SLC50A1: variants seen among roughly 807,000 people sequenced by gnomAD.
SLC50A1 encodes the protein solute carrier family 50 member 1.
Under a neutral mutation model 28.9 loss-of-function variants are expected in SLC50A1, and 22 were observed. That is an observed-to-expected ratio of 0.76 (90% confidence interval 0.54 to 1.09). The LOEUF is 1.09. Among genes scored for constraint, SLC50A1 ranks in the 50% least tolerant of loss-of-function variants. The probability of loss-of-function intolerance (pLI) is 0.00; values close to 1 mark genes in which losing one functional copy is unlikely to be tolerated. For missense variants in SLC50A1, 233 were observed against 273.4 expected (o/e 0.85, Z 1.04); for synonymous variants, 96 against 110.6 (o/e 0.87, Z 0.83).
Position 155,136,203 on chromosome 1 carries a change from G to T in SLC50A1, c.81-96G>T. 4.0e-6 allele frequency: 4 copies of T among 1,000,026 alleles called. No individual in the cohort carries two copies. In the South Asian group the frequency reaches 5.6e-5, roughly 14 times the overall value. 61.9% of individuals were successfully genotyped at this position (1,000,026 alleles called of 1,614,324 possible). A position where few individuals can be genotyped will look rare whatever the true frequency, so the allele number is the denominator to read the frequency against. The stretch of plus-strand genomic sequence containing the variant: ...GGGGGGGAGAGGGGGCGGGGTCTGC[G>T]GTGGTCCGGAAAGGATGACAGGCAT... On this transcript the variant is annotated intron_variant, in intron 1 of 5. Coordinates refer to ENST00000368404, the MANE Select transcript of SLC50A1 (RefSeq NM_018845.4).
At position 155,135,920 on chromosome 1, in the gene SLC50A1, G is replaced by A; in HGVS notation, c.9G>A (p.Ala3=). Residue 3 remains alanine, a synonymous_variant, in exon 1 of 6, where the codon GCG becomes GCA. Coordinates refer to ENST00000368404, the MANE Select transcript of SLC50A1 (RefSeq NM_018845.4). The part of the protein sequence containing the change: ME[A]GGFLDSLIYG... ...ATCCGACTCTAGTCGTAATGGAGGCGGGCGGCTTTCTGGACTCGCTCATTT... is the reference window on the plus strand; with the variant it reads ...ATCCGACTCTAGTCGTAATGGAGGCAGGCGGCTTTCTGGACTCGCTCATTT... 1 of 1,613,922 alleles carries A rather than the reference G, an allele frequency of 6.2e-7. No individual in the cohort carries two copies. The highest frequency in any genetic ancestry group is 1.3e-5 in the African/African-American group (1 of 75,058).
intron 1 of SLC50A1, 86 bp from the exon 2 acceptor site, chr1:155,136,212 GA>G: frequency 9.2e-7 from 1 of 1,082,770 alleles, no homozygotes; most frequent in Non-Finnish European, 1.4e-6. Context: ...CGGTGGTCCG[GA>G]AAGGATGACA....
intron 4 of SLC50A1, 91 bp from the exon 5 acceptor site, chr1:155,137,888 G>A: frequency 1.2e-6 from 2 of 1,602,852 alleles, no homozygotes; most frequent in Non-Finnish European, 1.7e-6. Context: ...AGATCAGGGA[G>A]GGTGTCTGAC....
At chr1:155,135,663 G>A (rs1489711235), upstream of SLC50A1, 16 of 1,550,334 alleles carry the variant, frequency 1.0e-5, no homozygotes, top group Non-Finnish European at 1.3e-5. Context: ...GAAGGGGACT[G>A]ACCGGGACAT....
intron 1 of SLC50A1, 152 bp downstream of exon 1, chr1:155,136,143 T>C: frequency 3.3e-6 from 2 of 608,722 alleles, no homozygotes; most frequent in South Asian, 3.3e-5. Flanking sequence ...GCGAGGCTGG[T>C]CACTAGGCCT....
intron 3 of SLC50A1, chr1:155,137,216 G>A: frequency 1.8e-6 from 1 of 557,568 alleles, no homozygotes; most frequent in East Asian, 3.0e-5. Context: ...AAGGGGAAAG[G>A]GCTTTTGTCT....
Position 155,137,676 on chromosome 1 carries a change from G to A in SLC50A1, c.398G>A (p.Cys133Tyr). The change falls in exon 4 of 6, where the codon TGC (cysteine) becomes TAC (tyrosine). Residue 133 changes from cysteine (C) to tyrosine (Y), a missense_variant. Cys to Tyr is a radical substitution (Grantham distance 194). Transcript: ENST00000368404. ...CGGCTTCAGCAGTTGGGCCTCTTCT[G>A]CAGTGTCTTCACCATCAGCATGTAC... Reference protein sequence around the residue: ...EARLQQLGLFCSVFTISMYLS... With the variant: ...EARLQQLGLFYSVFTISMYLS... 1 of 1,614,160 alleles carries A rather than the reference G, an allele frequency of 6.2e-7. No homozygotes were observed. The highest frequency in any genetic ancestry group is 8.5e-7 in the Non-Finnish European group (1 of 1,180,034).
Position 155,138,387 on chromosome 1 carries a change from G to A in SLC50A1, c.*106G>A. The A allele has an allele frequency of 2.0e-6, 2 of 1,018,096 alleles. No homozygotes were observed. The highest frequency in any genetic ancestry group is 3.0e-6 in the Non-Finnish European group (2 of 674,660). 63.1% of individuals were successfully genotyped at this position (1,018,096 alleles called of 1,614,324 possible). A position where few individuals can be genotyped will look rare whatever the true frequency, so the allele number is the denominator to read the frequency against. On this transcript the variant is annotated 3_prime_UTR_variant, in exon 6 of 6. Coordinates refer to ENST00000368404, the MANE Select transcript of SLC50A1 (RefSeq NM_018845.4). The stretch of plus-strand genomic sequence containing the variant: ...AGCTTCCCAGGTGCAGTGGGTTGTG[G>A]GAACAAGAGATGACTTTGAGGATAA...
Position 155,137,676 on chromosome 1 carries a change from G to T in SLC50A1, c.398G>T (p.Cys133Phe), listed in dbSNP as rs201397797. ...EARLQQLGLF[C>F]SVFTISMYLS... is the part of the protein sequence containing the mutation. ...CGGCTTCAGCAGTTGGGCCTCTTCT[G>T]CAGTGTCTTCACCATCAGCATGTAC... Residue 133 changes from cysteine to phenylalanine, a missense_variant, in exon 4 of 6, where the codon TGC (cysteine) becomes TTC (phenylalanine). Transcript: ENST00000368404. The T allele has an allele frequency of 1.9e-6, 3 of 1,614,160 alleles. No individual in the cohort carries two copies. The South Asian group carries it at 3.3e-5, about 18-fold the overall frequency.
chr1:155,137,763 A>G (rs764510819), intron 4 of SLC50A1, 41 bp downstream of exon 4: 159 of 1,609,990 alleles, frequency 9.9e-5, no homozygotes, highest in Non-Finnish European at 1.3e-4. Flanking sequence ...GATAAGAGTC[A>G]GGCTCTCATA....
chr1:155,135,716 G>A (rs564448498), upstream of SLC50A1: 1 of 1,549,842 alleles, frequency 6.5e-7, no homozygotes, highest in East Asian at 2.4e-5. Flanking sequence ...GCTCGGAGGA[G>A]AGGGGCGCGA....
rs1318659553 is a variant in SLC50A1 at position 155,136,011 on chromosome 1, G to A, written c.80+20G>A. On this transcript the variant is annotated intron_variant, in intron 1 of 5. Transcript: ENST00000368404. ...CGGCCTGTGAGAGTGCGGCCGGGCT[G>A]GGTTGGGGAGGACTAGGCAGTCAGG... is the stretch of plus-strand genomic sequence containing the variant. 1.2e-6 allele frequency: 2 copies of A among 1,613,338 alleles called. No individual in the cohort carries two copies. The highest frequency in any genetic ancestry group is 2.2e-5 in the East Asian group (1 of 44,872).
chr1:155,138,318 C>G lies in SLC50A1; in HGVS notation c.*37C>G. 1 of 1,597,680 alleles carries G rather than the reference C, an allele frequency of 6.3e-7. No individual in the cohort carries two copies. Among genetic ancestry groups the G allele is most frequent in the Non-Finnish European group, 8.6e-7 (1 of 1,168,114 alleles). Reference sequence around the variant, plus strand: ...TGACCACTGGGCACCTTAGTGCCAACCTGAACCAAAGAGACCTCCTTGTTT... The same window carrying G: ...TGACCACTGGGCACCTTAGTGCCAAGCTGAACCAAAGAGACCTCCTTGTTT... On this transcript the variant is annotated 3_prime_UTR_variant, in exon 6 of 6. Coordinates refer to ENST00000368404, the MANE Select transcript of SLC50A1 (RefSeq NM_018845.4).
chr1:155,136,938 A>C lies in SLC50A1; in HGVS notation c.269A>C (p.Tyr90Ser). 1 of 1,614,070 alleles carries C rather than the reference A, an allele frequency of 6.2e-7. No homozygotes were observed. Among genetic ancestry groups the C allele is most frequent in the Non-Finnish European group, 8.5e-7 (1 of 1,179,948 alleles). ...CTGTATATCTTGGCATATCTGCATTACTGCCCTCGGAAGGTAGAGGCCCTC... is the reference window on the plus strand; with the variant it reads ...CTGTATATCTTGGCATATCTGCATTCCTGCCCTCGGAAGGTAGAGGCCCTC... ...QTLYILAYLH[Y>S]CPRKRVVLLQ... is the part of the protein sequence containing the mutation. The change falls in exon 3 of 6, where the codon TAC becomes TCC. Residue 90 changes from tyrosine to serine, a missense_variant. Physicochemically the swap from Tyr to Ser is moderately radical, Grantham distance 144. Coordinates refer to ENST00000368404, the MANE Select transcript of SLC50A1 (RefSeq NM_018845.4).
In SLC50A1 at chr1:155,137,666, G is replaced by A. The variant is rs759188347; in HGVS notation, c.388G>A (p.Gly130Ser). ...PNPEARLQQL[G>S]LFCSVFTISM... ...CCCTGAGGCCCGGCTTCAGCAGTTG[G>A]GCCTCTTCTGCAGTGTCTTCACCAT... is the stretch of plus-strand genomic sequence containing the variant. Residue 130 changes from glycine (G) to serine (S), a missense_variant, in exon 4 of 6, where the codon GGC becomes AGC. Coordinates refer to ENST00000368404, the MANE Select transcript of SLC50A1 (RefSeq NM_018845.4). The A allele has an allele frequency of 6.2e-7, 1 of 1,614,100 alleles. No homozygotes were observed. Among genetic ancestry groups the A allele is most frequent in the Non-Finnish European group, 8.5e-7 (1 of 1,180,002 alleles).
intron 2 of SLC50A1, 99 bp from the exon 3 acceptor site, chr1:155,136,729 C>T: frequency 2.0e-6 from 3 of 1,484,160 alleles, no homozygotes; most frequent in Non-Finnish European, 9.1e-7. Flanking sequence ...GGCGACAGAG[C>T]GAGACTACGT....
chr1:155,136,141 G>A, intron 1 of SLC50A1, 150 bp downstream of exon 1: 1 of 966,812 alleles, frequency 1.0e-6, no homozygotes, highest in South Asian at 1.5e-5. Flanking sequence ...GGGCGAGGCT[G>A]GTCACTAGGC....
intron 2 of SLC50A1, chr1:155,136,627 C>T (rs928173833): frequency 5.0e-5 from 40 of 802,140 alleles, no homozygotes; most frequent in Non-Finnish European, 7.2e-5. Context: ...CCTGTAGTCC[C>T]AGCTACTCGG....
At chr1:155,135,615 C>T, upstream of SLC50A1, 8 of 1,550,230 alleles carry the variant, frequency 5.2e-6, no homozygotes, top group Non-Finnish European at 7.0e-6. Flanking sequence ...AGAGTGTGAG[C>T]AGCGGCAGGT....
Sources: gnomAD v4.1 joint callset for allele counts on GRCh38, gnomAD v4.1.1 for gene constraint, MANE v1.5 for transcripts, NCBI Gene and HGNC (gene_info 2026-07-23, HGNC 2026-07-21) for gene names.